Variants in ZBTB3 observed in about 807,000 individuals in gnomAD.
ZBTB3 encodes the protein zinc finger and BTB domain-containing protein 3.
In ZBTB3, 15 loss-of-function variants were observed where a neutral mutation model predicts 30.6. The ratio of observed to expected loss-of-function variants is 0.49; its 90% confidence interval spans 0.33 to 0.75. The LOEUF (loss-of-function observed/expected upper bound fraction) is 0.75, where lower values mean the gene tolerates loss of function less well. ZBTB3 is among the 30% of genes least tolerant of loss of function. The probability of loss-of-function intolerance (pLI) is 0.02; values close to 1 mark genes in which losing one functional copy is unlikely to be tolerated. For synonymous variants in ZBTB3, 258 were observed against 261.7 expected, an observed-to-expected ratio of 0.99 and a Z score of 0.14; for missense variants, 599 against 652.1, an observed-to-expected ratio of 0.92 and a Z score of 0.89.
At position 62,753,527 on chromosome 11, in the gene ZBTB3, G is replaced by A. The variant is rs1452192217; in HGVS notation, c.138C>T (p.Ser46=). 1 of 1,614,102 alleles carries A rather than the reference G, an allele frequency of 6.2e-7. No individual in the cohort carries two copies. The highest frequency in any genetic ancestry group is 1.7e-5 in the Admixed American group (1 of 60,006). The change falls in exon 2 of 2, where the codon AGC becomes AGT. Residue 46 remains serine (S), a synonymous_variant. Transcript: ENST00000394807. Reference sequence around the variant, plus strand: ...CCTTGTAGAAAAGCTGGAAGAATGGGCTGCAGGAGGCCAGCACAGCCCGAT... The same window carrying A: ...CCTTGTAGAAAAGCTGGAAGAATGGACTGCAGGAGGCCAGCACAGCCCGAT... The part of the protein sequence containing the change: ...LAHRAVLASC[S]PFFQLFYKER...
In ZBTB3 at chr11:62,751,399, C is replaced by A. The variant is rs1184034679; in HGVS notation, c.*691G>T. ...CGGGTGGATCACGAGGTCAGGAGAT[C>A]GAGACCATCCTGACTAACACGGTGA... On this transcript the variant is annotated 3_prime_UTR_variant, in exon 2 of 2. Coordinates refer to ENST00000394807, the MANE Select transcript of ZBTB3 (RefSeq NM_001370809.1). 2 of 147,598 alleles carry A rather than the reference C, an allele frequency of 1.4e-5. No homozygotes were observed. The highest frequency in any genetic ancestry group is 5.0e-5 in the African/African-American group (2 of 39,830). The allele number at this position is 147,598 out of a possible 1,614,324, so 9.1% of individuals were successfully genotyped here.
At position 62,752,021 on chromosome 11, in the gene ZBTB3, A is replaced by C; in HGVS notation, c.*69T>G. The C allele has an allele frequency of 6.9e-7, 1 of 1,455,916 alleles. No homozygotes were observed. 90.2% of individuals were successfully genotyped at this position (1,455,916 alleles called of 1,614,324 possible). On this transcript the variant is annotated 3_prime_UTR_variant, in exon 2 of 2. Coordinates refer to ENST00000394807, the MANE Select transcript of ZBTB3 (RefSeq NM_001370809.1). ...TTCTTGTCACCCAGCAGGGGTGATAAGGTGCCACCAACCTTCTGAGCTGCC... is the reference window on the plus strand; with the variant it reads ...TTCTTGTCACCCAGCAGGGGTGATACGGTGCCACCAACCTTCTGAGCTGCC...
In ZBTB3 at chr11:62,751,525, CA is replaced by C. The variant is rs36089406; in HGVS notation, c.*564del. On this transcript the variant is annotated 3_prime_UTR_variant, in exon 2 of 2. Coordinates refer to ENST00000394807, the MANE Select transcript of ZBTB3 (RefSeq NM_001370809.1). ...TGGGGGACAGAGTGAGACTCTGTCTCAAAAAAAAAAAAAAAAAAAGGAATCG... is the reference window on the plus strand; with the variant it reads ...TGGGGGACAGAGTGAGACTCTGTCTCAAAAAAAAAAAAAAAAAAGGAATCG... 226 of 50,072 alleles carry C rather than the reference CA, an allele frequency of 4.5e-3. No homozygotes were observed. The highest frequency in any genetic ancestry group is 0.011 in the Middle Eastern group (1 of 92). The allele number at this position is 50,072 out of a possible 1,614,324, so 3.1% of individuals were successfully genotyped here. A position where few individuals can be genotyped will look rare whatever the true frequency, so the allele number is the denominator to read the frequency against.
chr11:62,753,567 G>C lies in ZBTB3; in HGVS notation c.98C>G (p.Thr33Ser). Reference sequence around the variant, plus strand: ...CACAGCCCGATGGGCCAAGAACTGGGTACTACCCACCATCACGGTGCAGTC... The same window carrying C: ...CACAGCCCGATGGGCCAAGAACTGGCTACTACCCACCATCACGGTGCAGTC... ...LCDCTVMVGSTQFLAHRAVLA... is the reference protein window; with the variant it reads ...LCDCTVMVGSSQFLAHRAVLA... The change falls in exon 2 of 2, where the codon ACC becomes AGC. Residue 33 changes from threonine to serine, a missense_variant. Transcript: ENST00000394807. 1 of 1,614,102 alleles carries C rather than the reference G, an allele frequency of 6.2e-7. No individual in the cohort carries two copies. The highest frequency in any genetic ancestry group is 8.5e-7 in the Non-Finnish European group (1 of 1,179,998).
Position 62,753,229 on chromosome 11 carries a change from A to T in ZBTB3, c.436T>A (p.Leu146Met), listed in dbSNP as rs755429831. The T allele has an allele frequency of 3.7e-6, 6 of 1,613,994 alleles. No homozygotes were observed. Among genetic ancestry groups the T allele is most frequent in the Non-Finnish European group, 5.1e-6 (6 of 1,180,026 alleles). ...TGGGTGCCACGGGAAGTACTAGACAAAAACTCCAAACTAGGAAGCTGTGAG... is the reference window on the plus strand; with the variant it reads ...TGGGTGCCACGGGAAGTACTAGACATAAACTCCAAACTAGGAAGCTGTGAG... ...TNSQLPSLEF[L>M]SSTSRGTQPS... The change falls in exon 2 of 2, where the codon TTG becomes ATG. Residue 146 changes from leucine to methionine, a missense_variant. Transcript: ENST00000394807.
rs749432097 is a variant in ZBTB3, at chr11:62,752,457, A to C, written c.1208T>G (p.Leu403Arg). ...APASLHEPLY[L>R]SSEYEAAPGS... The stretch of plus-strand genomic sequence containing the variant: ...TGGAGCTGCTTCGTACTCAGAAGAC[A>C]GGTAAAGTGGCTCATGCAGGGATGC... The change falls in exon 2 of 2, where the codon CTG becomes CGG. Residue 403 changes from leucine to arginine, a missense_variant. Coordinates refer to ENST00000394807, the MANE Select transcript of ZBTB3 (RefSeq NM_001370809.1). 3 of 1,614,076 alleles carry C rather than the reference A, an allele frequency of 1.9e-6. No individual in the cohort carries two copies. The African/African-American group carries it at 4.0e-5, about 22-fold the overall frequency.
At position 62,753,554 on chromosome 11, in the gene ZBTB3, G is replaced by A. The variant is rs1056659834; in HGVS notation, c.111C>T (p.Ala37=). 1.2e-6 allele frequency: 2 copies of A among 1,614,122 alleles called. No homozygotes were observed. The highest frequency in any genetic ancestry group is 1.7e-6 in the Non-Finnish European group (2 of 1,180,022). The stretch of plus-strand genomic sequence containing the variant: ...TGCAGGAGGCCAGCACAGCCCGATG[G>A]GCCAAGAACTGGGTACTACCCACCA... ...TVMVGSTQFL[A]HRAVLASCSP... Residue 37 remains alanine, a synonymous_variant, in exon 2 of 2, where the codon GCC becomes GCT. Transcript: ENST00000394807.
At position 62,753,369 on chromosome 11, in the gene ZBTB3, A is replaced by C; in HGVS notation, c.296T>G (p.Val99Gly). The stretch of plus-strand genomic sequence containing the variant: ...GTGCAAGTAGCTGGCAGCTGCCAGC[A>C]CATCCTCCACAGGGGTATCCCCTCT... ...TLRGDTPVED[V>G]LAAASYLHMN... Residue 99 changes from valine to glycine, a missense_variant, in exon 2 of 2, where the codon GTG (valine) becomes GGG (glycine). Transcript: ENST00000394807. 2.5e-6 allele frequency: 4 copies of C among 1,614,096 alleles called. No homozygotes were observed. Among genetic ancestry groups the C allele is most frequent in the Non-Finnish European group, 3.4e-6 (4 of 1,180,020 alleles).
rs749713844 is a variant in ZBTB3, at chr11:62,753,965, C to T, written c.-53G>A. 7 of 1,613,922 alleles carry T rather than the reference C, an allele frequency of 4.3e-6. No individual in the cohort carries two copies. The highest frequency in any genetic ancestry group is 4.5e-5 in the East Asian group (2 of 44,900). ...ACCCTCCGCTTCCTTGATGCCCACCCGGTAGCGTCCAACGGCTCCACGAAG... is the reference window on the plus strand; with the variant it reads ...ACCCTCCGCTTCCTTGATGCCCACCTGGTAGCGTCCAACGGCTCCACGAAG... On this transcript the variant is annotated splice_region_variant and 5_prime_UTR_variant, in exon 1 of 2. Coordinates refer to ENST00000394807, the MANE Select transcript of ZBTB3 (RefSeq NM_001370809.1).
Position 62,752,478 on chromosome 11 carries a change from G to T in ZBTB3, c.1187C>A (p.Ser396Tyr). ...LVTSPLPAPA[S>Y]LHEPLYLSSE... ...AGACAGGTAAAGTGGCTCATGCAGG[G>T]ATGCGGGTGCAGGCAGAGGTGAGGT... Residue 396 changes from serine (S) to tyrosine (Y), a missense_variant, in exon 2 of 2, where the codon TCC (serine) becomes TAC (tyrosine). Transcript: ENST00000394807. The T allele has an allele frequency of 1.2e-6, 2 of 1,614,196 alleles. No individual in the cohort carries two copies. Among genetic ancestry groups the T allele is most frequent in the Non-Finnish European group, 1.7e-6 (2 of 1,180,036 alleles).
In ZBTB3 at chr11:62,752,243, A is replaced by C; in HGVS notation, c.1422T>G (p.Asn474Lys). ...GTTTGCTGCGTTTGGCCAGGTCCTCATTGTGAGCCTTGCGGATGTGGCGGT... is the reference window on the plus strand; with the variant it reads ...GTTTGCTGCGTTTGGCCAGGTCCTCCTTGTGAGCCTTGCGGATGTGGCGGT... ...DLYRHIRKAH[N>K]EDLAKRSKPD... Residue 474 changes from asparagine (N) to lysine (K), a missense_variant, in exon 2 of 2, where the codon AAT (asparagine) becomes AAG (lysine). By Grantham distance (94) the Asn-to-Lys change is moderately conservative. Transcript: ENST00000394807. 6.2e-7 allele frequency: 1 copy of C among 1,614,160 alleles called. No homozygotes were observed. The highest frequency in any genetic ancestry group is 8.5e-7 in the Non-Finnish European group (1 of 1,180,012).
At position 62,752,065 on chromosome 11, in the gene ZBTB3, C is replaced by A; in HGVS notation, c.*25G>T. ...AGCTGCCATCTAAGGATGGTAAGAG[C>A]AGCCTAGCATCAGCTCATGCTCCCT... On this transcript the variant is annotated 3_prime_UTR_variant, in exon 2 of 2. Coordinates refer to ENST00000394807, the MANE Select transcript of ZBTB3 (RefSeq NM_001370809.1). 1.3e-6 allele frequency: 2 copies of A among 1,558,734 alleles called. No individual in the cohort carries two copies. Among genetic ancestry groups the A allele is most frequent in the Admixed American group, 1.8e-5 (1 of 54,526 alleles).
In ZBTB3 at chr11:62,751,972, C is replaced by A; in HGVS notation, c.*118G>T. On this transcript the variant is annotated 3_prime_UTR_variant, in exon 2 of 2. Transcript: ENST00000394807. ...GATTAAAAAAAAAAAAGGGTAGGAA[C>A]TTTCAGCCTGGGCAGAGCCTTTATT... The A allele has an allele frequency of 2.0e-6, 2 of 978,414 alleles. No homozygotes were observed. The highest frequency in any genetic ancestry group is 2.9e-6 in the Non-Finnish European group (2 of 688,342). The allele number at this position is 978,414 out of a possible 1,614,324, so 60.6% of individuals were successfully genotyped here. A position where few individuals can be genotyped will look rare whatever the true frequency, so the allele number is the denominator to read the frequency against.
chr11:62,752,844 G>A lies in ZBTB3; in HGVS notation c.821C>T (p.Pro274Leu), dbSNP rs2084027814. 2 of 1,613,956 alleles carry A rather than the reference G, an allele frequency of 1.2e-6. No homozygotes were observed. Among genetic ancestry groups the A allele is most frequent in the Admixed American group, 1.7e-5 (1 of 59,996 alleles). Residue 274 changes from proline (P) to leucine (L), a missense_variant, in exon 2 of 2, where the codon CCA becomes CTA. By Grantham distance (98) the Pro-to-Leu change is moderately conservative (BLOSUM62 -3). Coordinates refer to ENST00000394807, the MANE Select transcript of ZBTB3 (RefSeq NM_001370809.1). ...TGGGGCTGACGTTGGGGCTGAGGCT[G>A]GGGGATAGAAGCCTTGCAGTGGTCC... Reference protein sequence around the residue: ...PGGPLQGFYPPASAPTSAPAP... With the variant: ...PGGPLQGFYPLASAPTSAPAP...
chr11:62,753,115 G>C lies in ZBTB3; in HGVS notation c.550C>G (p.Pro184Ala), dbSNP rs1315960270. 2 of 1,614,192 alleles carry C rather than the reference G, an allele frequency of 1.2e-6. No homozygotes were observed. The change falls in exon 2 of 2, where the codon CCA becomes GCA. Residue 184 changes from proline to alanine, a missense_variant. By Grantham distance (27) the Pro-to-Ala change is conservative. Transcript: ENST00000394807. ...CCACTAGACATTGGTGGCTCATCTG[G>C]AGGACGGACAGTAGGTGAGGGAGCA... ...SAAPSPTVRP[P>A]DEPPMSSGAD...
chr11:62,753,832 G>T, intron 1 of ZBTB3, 117 bp from the exon 2 acceptor site: 1 of 1,531,544 alleles, frequency 6.5e-7, no homozygotes. Flanking sequence ...CTTTCTCCTA[G>T]GTCACACCCA....
chr11:62,754,116 A>G lies in ZBTB3; in HGVS notation c.-204T>C. 2 of 1,562,608 alleles carry G rather than the reference A, an allele frequency of 1.3e-6. No homozygotes were observed. Among genetic ancestry groups the G allele is most frequent in the Non-Finnish European group, 8.8e-7 (1 of 1,133,706 alleles). ...CTACCAGGGTGGGAACTAGCGGAGA[A>G]AGCTGATACCTCACCCACCACCGAG... On this transcript the variant is annotated 5_prime_UTR_variant, in exon 1 of 2. Coordinates refer to ENST00000394807, the MANE Select transcript of ZBTB3 (RefSeq NM_001370809.1).
chr11:62,753,909 G>T, intron 1 of ZBTB3, 55 bp downstream of exon 1: 10 of 1,543,744 alleles, frequency 6.5e-6, no homozygotes, highest in Non-Finnish European at 8.9e-6. Flanking sequence ...CGTCCGATAA[G>T]CCCTGCCCCC....
In ZBTB3 at chr11:62,752,377, T is replaced by G; in HGVS notation, c.1288A>C (p.Thr430Pro). 1 of 1,614,096 alleles carries G rather than the reference T, an allele frequency of 6.2e-7. No homozygotes were observed. Among genetic ancestry groups the G allele is most frequent in the Non-Finnish European group, 8.5e-7 (1 of 1,180,024 alleles). Residue 430 changes from threonine to proline, a missense_variant, in exon 2 of 2, where the codon ACC (threonine) becomes CCC (proline). Physicochemically the swap from Thr to Pro is conservative, Grantham distance 38. Transcript: ENST00000394807. ...DVPTCKTCGKTFSCSYTLRRH... is the reference protein window; with the variant it reads ...DVPTCKTCGKPFSCSYTLRRH... ...CGTAGTGTGTAAGAGCATGAGAAGG[T>G]CTTCCCACATGTCTTGCAGGTGGGA...
Sources: allele counts gnomAD v4.1 joint callset, GRCh38; gene constraint gnomAD v4.1.1; transcripts MANE v1.5; gene names NCBI Gene and HGNC (gene_info 2026-07-23, HGNC 2026-07-21).